Variants in CACNA2D3 observed in about 807,000 individuals in gnomAD.
CACNA2D3 encodes voltage-dependent calcium channel subunit alpha-2/delta-3.
In CACNA2D3, 60 loss-of-function variants were observed where a neutral mutation model predicts 160.6. The observed-to-expected ratio is 0.37, with a 90% CI of 0.30 to 0.46. CACNA2D3 has a LOEUF of 0.46. CACNA2D3 is among the 20% of genes least tolerant of loss of function. CACNA2D3 has a pLI of 1.00. For synonymous variants in CACNA2D3, 558 were observed against 492.9 expected (o/e 1.13, Z -1.75); for missense variants, 1,205 against 1,365.0 (o/e 0.88, Z 1.85).
intron 2 of CACNA2D3, among the ~76,000 whole-genome samples, chr3:54,246,125 T>A (rs1268130872): frequency 1.3e-5 from 2 of 152,252 alleles, no homozygotes; most frequent in African/African-American, 4.8e-5. Context: ...TTGGTTGTTT[T>A]GAAGCTTACT....
chr3:54,882,497 T>G (rs1410544529), intron 21 of CACNA2D3, among the ~76,000 whole-genome samples: 2 of 152,202 alleles, frequency 1.3e-5, no homozygotes, highest in African/African-American at 4.8e-5. Context: ...TCCACAGCTG[T>G]GAGGCTAAGC....
At chr3:54,532,824 G>A (rs1166947432) in intron 5 of CACNA2D3, among the ~76,000 whole-genome samples, 1 of 152,104 alleles carries the variant, frequency 6.6e-6, no homozygotes, top group Non-Finnish European at 1.5e-5. Context: ...CCCAGCAGTG[G>A]GATTGCTGGA....
At chr3:54,744,999 A>G (rs1701726667) in intron 11 of CACNA2D3, among the ~76,000 whole-genome samples, 2 of 152,258 alleles carry the variant, frequency 1.3e-5, no homozygotes, top group Non-Finnish European at 2.9e-5. Context: ...GGTCGTTTTA[A>G]GAATACCTGG....
At chr3:54,468,071 C>T (rs1034071556) in intron 4 of CACNA2D3, among the ~76,000 whole-genome samples, 1 of 151,992 alleles carries the variant, frequency 6.6e-6, no homozygotes, top group African/African-American at 2.4e-5. Context: ...GAAGTACTGC[C>T]TAGGTCTTTG....
At chr3:54,939,315 C>T (rs1411825394) in intron 27 of CACNA2D3, among the ~76,000 whole-genome samples, 1 of 152,232 alleles carries the variant, frequency 6.6e-6, no homozygotes, top group Non-Finnish European at 1.5e-5. Context: ...ACTCACTTGC[C>T]TGAGACCCAA....
intron 12 of CACNA2D3, among the ~76,000 whole-genome samples, chr3:54,756,837 G>A (rs776748076): frequency 1.3e-5 from 2 of 152,104 alleles, no homozygotes; most frequent in Non-Finnish European, 2.9e-5. Flanking sequence ...CGTACCCCTT[G>A]CAATAGTTCT....
intron 4 of CACNA2D3, among the ~76,000 whole-genome samples, chr3:54,471,360 A>G (rs1051440800): frequency 1.1e-4 from 17 of 152,220 alleles, no homozygotes; most frequent in Admixed American, 1.1e-3. Flanking sequence ...CAATAAGAAC[A>G]AAGACACATC....
chr3:54,577,155 A>C (rs555194324), intron 8 of CACNA2D3, among the ~76,000 whole-genome samples: 1 of 152,220 alleles, frequency 6.6e-6, no homozygotes, highest in Non-Finnish European at 1.5e-5. Context: ...GTCACTCTAC[A>C]ATGATGGTCA....
chr3:54,957,651 C>T (rs1381486339), intron 27 of CACNA2D3, among the ~76,000 whole-genome samples: 3 of 152,036 alleles, frequency 2.0e-5, no homozygotes, highest in South Asian at 2.1e-4. Flanking sequence ...GATTCAGATA[C>T]GACTGATGGG....
At chr3:54,687,115 C>CTTTTTTTTTTTTTTTTT (rs1338617031) in intron 11 of CACNA2D3, among the ~76,000 whole-genome samples, 9 of 40,880 alleles carry the variant, frequency 2.2e-4, no homozygotes, top group Non-Finnish European at 3.6e-4. Context: ...TTTTCTTTTT[C>CTTTTTTTTTTTTTTTTT]TTTTTCTTTT....
intron 13 of CACNA2D3, 60 bp from the exon 14 acceptor site, chr3:54,816,793 A>C (rs1053951515): frequency 2.5e-6 from 4 of 1,580,578 alleles, no homozygotes; most frequent in Admixed American, 1.8e-5. Flanking sequence ...CTTTACCATT[A>C]ATTACTTATA....
In CACNA2D3 at chr3:54,912,718, A is replaced by T. The variant is rs563948075; in HGVS notation, c.2449+12850A>T. On this transcript the variant is annotated intron_variant, in intron 27 of 37. Coordinates refer to ENST00000474759, the MANE Select transcript of CACNA2D3 (RefSeq NM_018398.3). ...TTCACATCTGCTTGTTCACCACCTG[A>T]TATGATTTGTATTTCTTTATCTTCT... is the stretch of plus-strand genomic sequence containing the variant. 2.0e-5 allele frequency among the ~76,000 whole-genome samples: 3 copies of T among 151,966 alleles called. No individual in the cohort carries two copies. In the South Asian group the frequency reaches 6.3e-4, roughly 32 times the overall value.
chr3:54,576,673 G>C (rs1420334445), intron 8 of CACNA2D3, among the ~76,000 whole-genome samples: 2 of 152,170 alleles, frequency 1.3e-5, no homozygotes, highest in African/African-American at 4.8e-5. Context: ...TTGTGGGTTT[G>C]TCTCAAGCTT....
At chr3:55,011,419 A>G (rs186028619) in intron 34 of CACNA2D3, among the ~76,000 whole-genome samples, 2 of 152,358 alleles carry the variant, frequency 1.3e-5, no homozygotes, top group Non-Finnish European at 2.9e-5. Flanking sequence ...AAAGGTTTCT[A>G]TGATAGGATG....
intron 11 of CACNA2D3, among the ~76,000 whole-genome samples, chr3:54,658,466 G>A (rs1699912102): frequency 6.6e-6 from 1 of 152,080 alleles, no homozygotes; most frequent in African/African-American, 2.4e-5. Context: ...TTGACCATTT[G>A]TATATCTTCT....
At chr3:54,190,611 T>TA (rs1172157311) in intron 2 of CACNA2D3, among the ~76,000 whole-genome samples, 1 of 152,220 alleles carries the variant, frequency 6.6e-6, no homozygotes, top group Non-Finnish European at 1.5e-5. Context: ...ACATGAATCT[T>TA]AAATACTCCT....
chr3:54,915,782 C>A (rs1373540066), intron 27 of CACNA2D3, among the ~76,000 whole-genome samples: 1 of 152,140 alleles, frequency 6.6e-6, no homozygotes. Flanking sequence ...ATTTTCATTG[C>A]CAACTGCTGT....
chr3:54,733,961 G>GAAA, intron 11 of CACNA2D3, among the ~76,000 whole-genome samples: 1 of 143,706 alleles, frequency 7.0e-6, no homozygotes, highest in South Asian at 2.2e-4. Flanking sequence ...CAGTGAGATT[G>GAAA]AAAAAAAAAA....
chr3:54,574,314 T>A (rs1389734371), intron 8 of CACNA2D3, among the ~76,000 whole-genome samples: 1 of 152,126 alleles, frequency 6.6e-6, no homozygotes, highest in Non-Finnish European at 1.5e-5. Context: ...GGAAAGAGAT[T>A]TAAATAGTGG....
Sources: gnomAD v4.1 joint callset for allele counts (sites outside exome capture counted in the v4.1 genomes callset) on GRCh38, gnomAD v4.1.1 for gene constraint, MANE v1.5 for transcripts, NCBI Gene and HGNC (gene_info 2026-07-23, HGNC 2026-07-21) for gene names.